The following PCLO variants were observed in gnomAD, a reference collection of about 807,000 sequenced individuals.
The protein encoded by PCLO is protein piccolo.
Under a neutral mutation model 427.5 loss-of-function variants are expected in PCLO, and 82 were observed. The ratio of observed to expected loss-of-function variants is 0.19; its 90% CI spans 0.16 to 0.23. PCLO has a LOEUF of 0.23. PCLO is among the 10% of genes least tolerant of loss of function. The pLI is 1.00. For missense variants in PCLO, 6,239 were observed against 6,115.9 expected, an observed-to-expected ratio of 1.02 and a Z score of -0.67; for synonymous variants, 2,357 against 2,155.4, an observed-to-expected ratio of 1.09 and a Z score of -2.59.
intron 22 of PCLO, among the ~76,000 whole-genome samples, chr7:82,792,077 G>T: frequency 6.6e-6 from 1 of 151,840 alleles, no homozygotes; most frequent in East Asian, 1.9e-4. Flanking sequence ...TTTTAAAAGT[G>T]AAAAAAACTT....
At chr7:83,038,025 A>ATCTT (rs1291771119) in intron 3 of PCLO, among the ~76,000 whole-genome samples, 1 of 49,098 alleles carries the variant, frequency 2.0e-5, no homozygotes, top group African/African-American at 1.5e-4. Context: ...ATATATATAT[A>ATCTT]TATATTTATA....
chr7:82,988,089 T>A (rs973473502), intron 3 of PCLO, among the ~76,000 whole-genome samples: 8 of 152,134 alleles, frequency 5.3e-5, no homozygotes, highest in African/African-American at 1.9e-4. Context: ...TTATATAAAA[T>A]TTAGGTTATT....
chr7:83,022,058 T>C (rs904634152), intron 3 of PCLO, among the ~76,000 whole-genome samples: 1 of 152,116 alleles, frequency 6.6e-6, no homozygotes, highest in Non-Finnish European at 1.5e-5. Flanking sequence ...ACAAAATGTG[T>C]TGGGGTTAAG....
At chr7:83,125,192 G>A (rs1463224760) in intron 3 of PCLO, among the ~76,000 whole-genome samples, 1 of 152,076 alleles carries the variant, frequency 6.6e-6, no homozygotes, top group Non-Finnish European at 1.5e-5. Context: ...TAGGAAGTGA[G>A]GAGCCTCTCT....
At chr7:82,855,299 ACC>A (rs2115872453) in intron 10 of PCLO, among the ~76,000 whole-genome samples, 1 of 152,242 alleles carries the variant, frequency 6.6e-6, no homozygotes, top group East Asian at 1.9e-4. Flanking sequence ...AAAAAGTGAC[ACC>A]TAAGAGGTGA....
chr7:83,151,704 T>A (rs1792134497), intron 2 of PCLO, among the ~76,000 whole-genome samples: 1 of 152,212 alleles, frequency 6.6e-6, no homozygotes, highest in Admixed American at 6.5e-5. Flanking sequence ...TATCCCCCAC[T>A]AATTGTGATG....
chr7:82,918,465 A>G (rs1204656815), intron 6 of PCLO, among the ~76,000 whole-genome samples: 1 of 151,998 alleles, frequency 6.6e-6, no homozygotes. Flanking sequence ...TCACTTGTAA[A>G]AAAGTACACA....
intron 3 of PCLO, among the ~76,000 whole-genome samples, chr7:82,982,082 A>C (rs1323891260): frequency 6.6e-6 from 1 of 152,158 alleles, no homozygotes; most frequent in Non-Finnish European, 1.5e-5. Flanking sequence ...ATTCCTGAAG[A>C]AGCTACTGAA....
intron 3 of PCLO, among the ~76,000 whole-genome samples, chr7:83,050,298 A>G (rs1251339743): frequency 6.7e-6 from 1 of 149,894 alleles, no homozygotes. Flanking sequence ...AACAAAACCA[A>G]AAAAGCAAAT....
intron 22 of PCLO, among the ~76,000 whole-genome samples, chr7:82,792,318 G>A (rs28403240): frequency 0.35 from 52,828 of 150,968 alleles, 9,675 homozygotes; most frequent in African/African-American, 0.42. Context: ...ACAAAAGGTT[G>A]AATAATTTTA....
At position 83,067,588 on chromosome 7, in the gene PCLO, A is replaced by C. The variant is rs147746046; in HGVS notation, c.3300+66662T>G. Among the ~76,000 whole-genome samples, 380 of 152,176 alleles carry C rather than the reference A, an allele frequency of 2.5e-3. 2 individuals carry two copies. Among genetic ancestry groups the C allele is most frequent in the African/African-American group, 8.8e-3 (366 of 41,522 alleles). On this transcript the variant is annotated intron_variant, in intron 3 of 24. Transcript: ENST00000333891. ...CTGAACACCCTCAGTCCAGGGGCTT[A>C]CTCCACACCAGCTGAACACATACTG...
intron 22 of PCLO, among the ~76,000 whole-genome samples, chr7:82,767,600 A>G (rs942066639): frequency 2.6e-5 from 4 of 152,116 alleles, no homozygotes; most frequent in Non-Finnish European, 5.9e-5. Context: ...GAATAAAGGT[A>G]GAGAACAAAG....
intron 3 of PCLO, among the ~76,000 whole-genome samples, chr7:82,977,108 G>A (rs1796034710): frequency 6.6e-6 from 1 of 151,948 alleles, no homozygotes; most frequent in Non-Finnish European, 1.5e-5. Context: ...ACTATCCACT[G>A]AAGAAACAGA....
intron 6 of PCLO, among the ~76,000 whole-genome samples, chr7:82,938,143 A>T (rs1181485033): frequency 6.6e-6 from 1 of 151,948 alleles, no homozygotes; most frequent in African/African-American, 2.4e-5. Context: ...TCAAAGGACT[A>T]TGAAGACTTG....
At chr7:83,019,002 A>G (rs1386882087) in intron 3 of PCLO, among the ~76,000 whole-genome samples, 2 of 152,068 alleles carry the variant, frequency 1.3e-5, no homozygotes, top group African/African-American at 4.8e-5. Flanking sequence ...AAAGATGCAT[A>G]CTGGCATACA....
Position 82,841,257 on chromosome 7 carries a change from A to G in PCLO, c.14097+202T>C, listed in dbSNP as rs567555561. Among the ~76,000 whole-genome samples the G allele has an allele frequency of 3.3e-5, 5 of 152,194 alleles. No homozygotes were observed. The East Asian group carries it at 9.7e-4, about 29-fold the overall frequency. On this transcript the variant is annotated intron_variant, in intron 14 of 24. Transcript: ENST00000333891. ...AGATATCAGGCAGATTTCAAAGTAT[A>G]GAAATACATAGCTATGATTGGACTT...
intron 3 of PCLO, among the ~76,000 whole-genome samples, chr7:82,986,277 T>G (rs1295753236): frequency 6.6e-6 from 1 of 151,982 alleles, no homozygotes; most frequent in Non-Finnish European, 1.5e-5. Flanking sequence ...GCAGATGGCC[T>G]CATTCATACA....
chr7:83,124,211 G>A (rs1791365525), intron 3 of PCLO, among the ~76,000 whole-genome samples: 2 of 151,598 alleles, frequency 1.3e-5, no homozygotes, highest in African/African-American at 4.8e-5. Context: ...CAGCTACTCG[G>A]AAGGCTGAGG....
At chr7:83,056,139 T>C (rs1424793092) in intron 3 of PCLO, among the ~76,000 whole-genome samples, 1 of 152,128 alleles carries the variant, frequency 6.6e-6, no homozygotes, top group African/African-American at 2.4e-5. Flanking sequence ...AAAATATAGG[T>C]TTCTGGGCCT....
Sources: allele counts gnomAD v4.1 joint callset (sites outside exome capture counted in the v4.1 genomes callset), GRCh38; gene constraint gnomAD v4.1.1; transcripts MANE v1.5; gene names NCBI Gene and HGNC (gene_info 2026-07-23, HGNC 2026-07-21).